The following FAM177B variants were observed in gnomAD, a reference collection of about 807,000 sequenced individuals.
FAM177B encodes the protein family with sequence similarity 177 member B.
Under a neutral mutation model 16.1 loss-of-function variants are expected in FAM177B, and 16 were observed. The ratio of observed to expected loss-of-function variants is 0.99; its 90% CI spans 0.67 to 1.51. The LOEUF is 1.51. FAM177B is among the 40% of genes most tolerant of loss of function. FAM177B has a pLI of 0.00. For missense variants in FAM177B, 178 were observed against 183.7 expected (o/e 0.97, Z 0.18); for synonymous variants, 56 against 59.9 (o/e 0.93, Z 0.30).
rs1168428392 is a variant in FAM177B at position 222,750,670 on chromosome 1, A to G, written c.*612A>G. 1.9e-6 allele frequency: 1 copy of G among 526,638 alleles called. No homozygotes were observed. The allele number at this position is 526,638 out of a possible 1,614,324, so 32.6% of individuals were successfully genotyped here. ...AATAATATAAGCTCTAGAAAAAAAT[A>G]TTAATGGATTATTTTCTTATTTATT... On this transcript the variant is annotated 3_prime_UTR_variant, in exon 6 of 6. Transcript: ENST00000445590.
chr1:222,749,386 T>C, intron 4 of FAM177B, 79 bp from the exon 5 acceptor site: 1 of 782,076 alleles, frequency 1.3e-6, no homozygotes, highest in South Asian at 1.7e-5. Flanking sequence ...ATCAGAATAG[T>C]TTAAACTCTG....
intron 5 of FAM177B, 112 bp from the exon 6 acceptor site, chr1:222,749,809 G>A: frequency 1.7e-6 from 2 of 1,168,702 alleles, no homozygotes; most frequent in Non-Finnish European, 2.5e-6. Context: ...TGGGTGAGAA[G>A]GCTCAGATTG....
At chr1:222,745,791 GTAATC>G (rs1658768097) in intron 2 of FAM177B, among the ~76,000 whole-genome samples, 2 of 152,170 alleles carry the variant, frequency 1.3e-5, no homozygotes, top group African/African-American at 4.8e-5. Context: ...GGCGGTGCCT[GTAATC>G]CCAGCTACTC....
chr1:222,739,529 C>G (rs912854967), intron 2 of FAM177B, among the ~76,000 whole-genome samples: 1 of 152,114 alleles, frequency 6.6e-6, no homozygotes, highest in African/African-American at 2.4e-5. Flanking sequence ...TGTGGCCTGT[C>G]TTTGAAATTA....
intron 5 of FAM177B, 41 bp from the exon 6 acceptor site, chr1:222,749,876 CTTTG>C (rs1228964383): frequency 2.5e-6 from 4 of 1,606,546 alleles, no homozygotes; most frequent in East Asian, 4.5e-5. Flanking sequence ...GTTCAGAGGT[CTTTG>C]TTTGTACAGT....
chr1:222,749,075 T>G (rs913568508), intron 4 of FAM177B: 1 of 471,198 alleles, frequency 2.1e-6, no homozygotes, highest in Admixed American at 2.4e-5. Flanking sequence ...TTGGTAACAC[T>G]GGATTGAGTT....
chr1:222,745,840 G>A (rs1186446800), intron 2 of FAM177B, among the ~76,000 whole-genome samples: 1 of 152,154 alleles, frequency 6.6e-6, no homozygotes, highest in Non-Finnish European at 1.5e-5. Flanking sequence ...CTTGAACCCA[G>A]GAGGCAGAGG....
chr1:222,742,927 G>A (rs374879189), intron 2 of FAM177B, among the ~76,000 whole-genome samples: 2 of 151,974 alleles, frequency 1.3e-5, no homozygotes, highest in African/African-American at 4.8e-5. Flanking sequence ...GTTTTTCCAT[G>A]ACTTTTAATG....
At position 222,750,520 on chromosome 1, in the gene FAM177B, A is replaced by G; in HGVS notation, c.*462A>G. 1 of 986,346 alleles carries G rather than the reference A, an allele frequency of 1.0e-6. No homozygotes were observed. Among genetic ancestry groups the G allele is most frequent in the African/African-American group, 1.7e-5 (1 of 57,396 alleles). The allele number at this position is 986,346 out of a possible 1,614,324, so 61.1% of individuals were successfully genotyped here. A position where few individuals can be genotyped will look rare whatever the true frequency, so the allele number is the denominator to read the frequency against. ...GGATTTGATATAGTGTGTACTTCCA[A>G]CAACCATCCTGGCGTAGTTGGGGAT... On this transcript the variant is annotated 3_prime_UTR_variant, in exon 6 of 6. Coordinates refer to ENST00000445590, the MANE Select transcript of FAM177B (RefSeq NM_001394345.1).
chr1:222,744,794 CT>C (rs1445149887), intron 2 of FAM177B, among the ~76,000 whole-genome samples: 1 of 151,990 alleles, frequency 6.6e-6, no homozygotes, highest in Non-Finnish European at 1.5e-5. Context: ...TAAGATATAC[CT>C]TAAATACAAT....
At chr1:222,741,253 G>A (rs774439351) in intron 2 of FAM177B, among the ~76,000 whole-genome samples, 47 of 151,174 alleles carry the variant, frequency 3.1e-4, no homozygotes, top group Non-Finnish European at 6.3e-4. Context: ...TAGTATAGAC[G>A]GGTTTTCGCC....
intron 4 of FAM177B, among the ~76,000 whole-genome samples, chr1:222,748,732 T>C (rs1362304907): frequency 1.3e-5 from 2 of 152,182 alleles, no homozygotes; most frequent in African/African-American, 4.8e-5. Flanking sequence ...AGATAGCATA[T>C]TAATGAAAAG....
chr1:222,746,669 G>A lies in FAM177B; in HGVS notation c.124G>A (p.Glu42Lys). 1 of 1,613,810 alleles carries A rather than the reference G, an allele frequency of 6.2e-7. No homozygotes were observed. Among genetic ancestry groups the A allele is most frequent in the Non-Finnish European group, 8.5e-7 (1 of 1,179,740 alleles). The change falls in exon 3 of 6, where the codon GAG becomes AAG. Residue 42 changes from glutamate (E) to lysine (K), a missense_variant. Physicochemically the swap from Glu to Lys is moderately conservative, Grantham distance 56 (BLOSUM62 1). Transcript: ENST00000445590. ...DIMEEYSTEE[E>K]EEEEKEEQST... The stretch of plus-strand genomic sequence containing the variant: ...CATGGAAGAATATAGCACAGAGGAG[G>A]AGGAGGAAGAGGAAAAGGAGGAGCA...
chr1:222,748,557 G>T (rs1658904883), intron 4 of FAM177B, among the ~76,000 whole-genome samples: 1 of 152,098 alleles, frequency 6.6e-6, no homozygotes, highest in Non-Finnish European at 1.5e-5. Flanking sequence ...CAGAGATTTT[G>T]TTTGAATGGA....
rs144762890 is a variant in FAM177B at position 222,743,496 on chromosome 1, T to C, written c.-15-3035T>C. 1.5e-3 allele frequency among the ~76,000 whole-genome samples: 226 copies of C among 152,242 alleles called. 6 individuals carry two copies. The South Asian group carries it at 0.021, about 14-fold the overall frequency. On this transcript the variant is annotated intron_variant, in intron 2 of 5. Transcript: ENST00000445590. ...AGTGGAGATTCAGTATACCCTGTCT[T>C]GTTGAATTATTCCTCCAAGGTGACT...
At chr1:222,744,296 C>A (rs945302873) in intron 2 of FAM177B, among the ~76,000 whole-genome samples, 3 of 151,936 alleles carry the variant, frequency 2.0e-5, no homozygotes, top group Non-Finnish European at 2.9e-5. Context: ...CATGGTGAAA[C>A]CCCGTCTCTA....
intron 2 of FAM177B, among the ~76,000 whole-genome samples, chr1:222,742,123 C>T (rs1658580999): frequency 6.6e-6 from 1 of 151,870 alleles, no homozygotes; most frequent in Non-Finnish European, 1.5e-5. Context: ...ACTTCTGAAA[C>T]TACTATTAGA....
At chr1:222,746,896 T>C (rs1210704174) in intron 3 of FAM177B, 119 bp from the exon 4 acceptor site, 1 of 927,376 alleles carries the variant, frequency 1.1e-6, no homozygotes, top group Non-Finnish European at 1.7e-6. Context: ...GGTCTCTTCA[T>C]CTGTGAGAGA....
At chr1:222,740,728 C>A (rs1658483479) in intron 2 of FAM177B, among the ~76,000 whole-genome samples, 1 of 152,184 alleles carries the variant, frequency 6.6e-6, no homozygotes, top group Admixed American at 6.6e-5. Flanking sequence ...GAGACAGAGT[C>A]TCGCTCTGTC....
Sources: allele counts gnomAD v4.1 joint callset (sites outside exome capture counted in the v4.1 genomes callset), GRCh38; gene constraint gnomAD v4.1.1; transcripts MANE v1.5; gene names NCBI Gene and HGNC (gene_info 2026-07-23, HGNC 2026-07-21).